Variants in PPIL6 observed in about 807,000 individuals in gnomAD.
The protein encoded by PPIL6 is peptidylprolyl isomerase like 6, also known as probable inactive peptidyl-prolyl cis-trans isomerase-like 6.
In PPIL6, 39 loss-of-function variants were observed where a neutral mutation model predicts 36.8. The ratio of observed to expected loss-of-function variants is 1.06; its 90% CI spans 0.82 to 1.38. PPIL6 has a LOEUF of 1.38. Ranked by LOEUF, PPIL6 falls within the 40% of genes most tolerant of loss-of-function variation. PPIL6 has a pLI of 0.00. For missense variants in PPIL6, 368 were observed against 379.1 expected, an observed-to-expected ratio of 0.97 and a Z score of 0.24; for synonymous variants, 123 against 134.1, an observed-to-expected ratio of 0.92 and a Z score of 0.57.
chr6:109,415,838 G>A (rs959001012), intron 6 of PPIL6, among the ~76,000 whole-genome samples: 4 of 152,194 alleles, frequency 2.6e-5, no homozygotes, highest in Admixed American at 6.5e-5. Context: ...GACATGTTGT[G>A]TTTGGGGACT....
intron 1 of PPIL6, 128 bp downstream of exon 1, chr6:109,440,328 C>A (rs908956887): frequency 2.1e-5 from 25 of 1,208,052 alleles, no homozygotes; most frequent in Non-Finnish European, 2.8e-5. Context: ...CCAGGACACG[C>A]CAGCCCCTTC....
chr6:109,425,711 C>G (rs1029899846), intron 5 of PPIL6, among the ~76,000 whole-genome samples: 7 of 146,654 alleles, frequency 4.8e-5, no homozygotes, highest in Non-Finnish European at 8.9e-5. Context: ...GATCGTGCCA[C>G]TGCACTACAG....
intron 2 of PPIL6, among the ~76,000 whole-genome samples, chr6:109,431,680 A>T (rs1367583247): frequency 2.0e-5 from 3 of 152,034 alleles, no homozygotes; most frequent in Non-Finnish European, 1.5e-5. Flanking sequence ...GTTATGTCTC[A>T]CTCTCCCTTG....
At chr6:109,440,666 C>T (rs531172504), upstream of PPIL6, 308 of 1,103,310 alleles carry the variant, frequency 2.8e-4, 1 homozygote, top group Admixed American at 3.1e-3. Context: ...GCCTCCGCCG[C>T]TCGCAGGAGG....
chr6:109,392,714 GTGTC>G lies in PPIL6; in HGVS notation c.*108_*111del. The stretch of plus-strand genomic sequence containing the variant: ...TTGGGTGTAGATGAGGCAACCTACA[GTGTC>G]TGCCACGGCTTTCAAATTACAATTT... On this transcript the variant is annotated 3_prime_UTR_variant, in exon 8 of 8. Transcript: ENST00000521072. 1 of 675,354 alleles carries G rather than the reference GTGTC, an allele frequency of 1.5e-6. No homozygotes were observed. The highest frequency in any genetic ancestry group is 2.5e-6 in the Non-Finnish European group (1 of 395,428). The allele number at this position is 675,354 out of a possible 1,614,324, so 41.8% of individuals were successfully genotyped here. A position where few individuals can be genotyped will look rare whatever the true frequency, so the allele number is the denominator to read the frequency against.
rs192749193 is a variant in PPIL6, at chr6:109,422,585, T to C, written c.632-3342A>G. ...GCCTGAGCGACAGAACAAGACCCTG[T>C]CTCAAAAAAAAAAGAATGTGGGAAT... On this transcript the variant is annotated intron_variant, in intron 5 of 7. Coordinates refer to ENST00000521072, the MANE Select transcript of PPIL6 (RefSeq NM_173672.5). Among the ~76,000 whole-genome samples, 526 of 150,978 alleles carry C rather than the reference T, an allele frequency of 3.5e-3. 2 individuals are homozygous for C. The highest frequency in any genetic ancestry group is 0.012 in the African/African-American group (496 of 41,218).
At chr6:109,422,381 C>A (rs1274725976) in intron 5 of PPIL6, among the ~76,000 whole-genome samples, 1 of 152,066 alleles carries the variant, frequency 6.6e-6, no homozygotes, top group Non-Finnish European at 1.5e-5. Flanking sequence ...TGTTTGAGTC[C>A]AGGAGTTCAG....
Position 109,391,358 on chromosome 6 carries a change from G to T in PPIL6, c.*1468C>A, listed in dbSNP as rs2115186826. 6.6e-6 allele frequency: 1 copy of T among 150,806 alleles called. No homozygotes were observed. Among genetic ancestry groups the T allele is most frequent in the Admixed American group, 6.6e-5 (1 of 15,112 alleles). 9.3% of individuals were successfully genotyped at this position (150,806 alleles called of 1,614,324 possible). On this transcript the variant is annotated 3_prime_UTR_variant, in exon 8 of 8. Coordinates refer to ENST00000521072, the MANE Select transcript of PPIL6 (RefSeq NM_173672.5). ...CTGGGCAGAGCAGGGGCACAGGGTA[G>T]TGGTGGTAACAGGAGCTGAGCAAGG...
chr6:109,425,904 T>C (rs768413105), intron 5 of PPIL6, among the ~76,000 whole-genome samples: 1 of 152,126 alleles, frequency 6.6e-6, no homozygotes. Context: ...TGTTCACCAA[T>C]GGGGAATTAA....
chr6:109,409,602 T>C (rs115221440), intron 6 of PPIL6, among the ~76,000 whole-genome samples: 2,792 of 151,844 alleles, frequency 0.018, 80 homozygotes, highest in African/African-American at 0.065. Context: ...TTATCCTTGT[T>C]TATAGATTAC....
At chr6:109,423,016 C>T (rs971189545) in intron 5 of PPIL6, among the ~76,000 whole-genome samples, 7 of 151,964 alleles carry the variant, frequency 4.6e-5, no homozygotes, top group Admixed American at 6.6e-5. Context: ...TGGATTTCCA[C>T]TTTTTTTTAC....
chr6:109,421,860 G>GGC (rs1231516022), intron 5 of PPIL6, among the ~76,000 whole-genome samples: 1 of 151,884 alleles, frequency 6.6e-6, no homozygotes, highest in African/African-American at 2.4e-5. Context: ...GCAATATAGT[G>GGC]AGACTCTGTC....
chr6:109,407,582 C>A (rs1490315153), intron 6 of PPIL6, among the ~76,000 whole-genome samples: 1 of 152,084 alleles, frequency 6.6e-6, no homozygotes, highest in East Asian at 1.9e-4. Flanking sequence ...TCTCTATCTT[C>A]TTTCTTCCAC....
intron 3 of PPIL6, among the ~76,000 whole-genome samples, chr6:109,428,543 AC>A (rs1239768559): frequency 3.6e-5 from 5 of 139,398 alleles, no homozygotes; most frequent in African/African-American, 1.1e-4. Flanking sequence ...ACAGAGTGAG[AC>A]CCTATGAAGA....
chr6:109,416,850 T>G (rs1773285859), intron 6 of PPIL6, among the ~76,000 whole-genome samples: 1 of 152,268 alleles, frequency 6.6e-6, no homozygotes, highest in African/African-American at 2.4e-5. Flanking sequence ...ACATAAAAGC[T>G]GCATTTTCAA....
intron 3 of PPIL6, among the ~76,000 whole-genome samples, chr6:109,428,324 G>A (rs1773934082): frequency 6.6e-6 from 1 of 152,120 alleles, no homozygotes; most frequent in Admixed American, 6.5e-5. Context: ...GCCAAGGTGG[G>A]TGGATCCCTT....
chr6:109,433,011 G>A (rs1277613814), intron 2 of PPIL6, among the ~76,000 whole-genome samples: 4 of 151,868 alleles, frequency 2.6e-5, no homozygotes, highest in African/African-American at 4.8e-5. Context: ...ACTTCCTGGA[G>A]TGTTTAAATT....
intron 7 of PPIL6, 41 bp downstream of exon 7, chr6:109,399,994 C>T (rs772441505): frequency 8.1e-6 from 12 of 1,484,782 alleles, no homozygotes; most frequent in Admixed American, 5.6e-5. Flanking sequence ...GACATTTTTA[C>T]AGGTGTGAAT....
At chr6:109,440,214 C>T in intron 1 of PPIL6, 1 of 597,248 alleles carries the variant, frequency 1.7e-6, no homozygotes, top group Non-Finnish European at 3.1e-6. Flanking sequence ...ACCCTTCCTT[C>T]GCTCAGTTCT....
Sources: allele counts gnomAD v4.1 joint callset (sites outside exome capture counted in the v4.1 genomes callset), GRCh38; gene constraint gnomAD v4.1.1; transcripts MANE v1.5; gene names NCBI Gene and HGNC (gene_info 2026-07-23, HGNC 2026-07-21).